Variants in IRAK1BP1 observed in about 807,000 individuals in gnomAD.
The protein encoded by IRAK1BP1 is interleukin 1 receptor associated kinase 1 binding protein 1, also known as interleukin-1 receptor-associated kinase 1-binding protein 1.
A neutral mutation model predicts 28.0 loss-of-function variants in IRAK1BP1; 24 were observed. That is an observed-to-expected ratio of 0.86 (90% CI 0.62 to 1.20). The LOEUF is 1.20. Ranked by LOEUF, IRAK1BP1 falls within the 50% of genes most tolerant of loss-of-function variation. The pLI is 0.00. For synonymous variants in IRAK1BP1, 131 were observed against 116.3 expected, an observed-to-expected ratio of 1.13 and a Z score of -0.81; for missense variants, 336 against 316.7, an observed-to-expected ratio of 1.06 and a Z score of -0.46.
the IRAK1BP1 span, among the ~76,000 whole-genome samples, chr6:78,954,309 T>C: frequency 6.6e-6 from 1 of 151,830 alleles, no homozygotes; most frequent in African/African-American, 2.4e-5. Context: ...GATTTCACCG[T>C]GTTAGCCAGG....
intron 4 of IRAK1BP1, among the ~76,000 whole-genome samples, chr6:78,917,144 C>G (rs540075504): frequency 1.3e-5 from 2 of 151,870 alleles, no homozygotes; most frequent in South Asian, 4.2e-4. Flanking sequence ...CAATGATATC[C>G]AAGACAAGGT....
the IRAK1BP1 span, chr6:78,954,918 C>G: frequency 1.3e-6 from 2 of 1,584,296 alleles, no homozygotes; most frequent in Non-Finnish European, 1.7e-6. Flanking sequence ...GCTTGAATAT[C>G]GTAAGACTGG....
At chr6:78,892,933 C>G (rs1392355395) in intron 2 of IRAK1BP1, among the ~76,000 whole-genome samples, 2 of 151,714 alleles carry the variant, frequency 1.3e-5, no homozygotes. Context: ...CATCAAATAG[C>G]CTATTATACA....
Position 78,876,610 on chromosome 6 carries a change from G to T in IRAK1BP1, c.315+8719G>T, listed in dbSNP as rs193243374. On this transcript the variant is annotated intron_variant, in intron 1 of 3. Coordinates refer to ENST00000369940, the MANE Select transcript of IRAK1BP1 (RefSeq NM_001010844.4). ...GGATAACTCGTTGTTGTTGGGGGCTGTCCTGTGCATTGTAGGATATTTAAC... is the reference window on the plus strand; with the variant it reads ...GGATAACTCGTTGTTGTTGGGGGCTTTCCTGTGCATTGTAGGATATTTAAC... 1.1e-3 allele frequency among the ~76,000 whole-genome samples: 162 copies of T among 152,258 alleles called. 1 individual carries two copies. Among genetic ancestry groups the T allele is most frequent in the African/African-American group, 3.8e-3 (156 of 41,556 alleles).
chr6:78,946,623 T>C (rs920348083), downstream of IRAK1BP1: 39 of 1,459,394 alleles, frequency 2.7e-5, no homozygotes, highest in Admixed American at 1.4e-4. Flanking sequence ...ATATAGGGAA[T>C]AGTAAAGGAA....
chr6:78,915,824 G>T (rs1469017605), intron 4 of IRAK1BP1, among the ~76,000 whole-genome samples: 1 of 152,006 alleles, frequency 6.6e-6, no homozygotes, highest in Non-Finnish European at 1.5e-5. Flanking sequence ...TTCTATCTTG[G>T]CATCTGCTTT....
At chr6:78,895,480 T>C (rs1771848055) in intron 2 of IRAK1BP1, among the ~76,000 whole-genome samples, 1 of 152,216 alleles carries the variant, frequency 6.6e-6, no homozygotes, top group Non-Finnish European at 1.5e-5. Flanking sequence ...TTTAATGATT[T>C]ATACACATAC....
intron 4 of IRAK1BP1, among the ~76,000 whole-genome samples, chr6:78,920,547 C>T (rs1288108642): frequency 1.3e-5 from 2 of 152,160 alleles, no homozygotes; most frequent in African/African-American, 2.4e-5. Context: ...GGATTCCTTA[C>T]TTAATAAATG....
the IRAK1BP1 span, among the ~76,000 whole-genome samples, chr6:78,977,587 G>GACCTTCCAGC: frequency 2.0e-5 from 3 of 151,598 alleles, no homozygotes; most frequent in East Asian, 5.9e-4. Flanking sequence ...GAATAATGAA[G>GACCTTCCAGC]ACCTTCAAGC....
intron 1 of IRAK1BP1, among the ~76,000 whole-genome samples, chr6:78,872,673 G>A (rs1302875257): frequency 2.0e-5 from 3 of 152,132 alleles, no homozygotes; most frequent in Admixed American, 2.0e-4. Flanking sequence ...TCGGATTAGG[G>A]ATCCTCAACT....
At chr6:78,974,970 C>T in the IRAK1BP1 span, among the ~76,000 whole-genome samples, 4 of 151,642 alleles carry the variant, frequency 2.6e-5, no homozygotes, top group Admixed American at 6.6e-5. Context: ...ACCATTCCTT[C>T]TGAAACTATT....
intron 1 of IRAK1BP1, among the ~76,000 whole-genome samples, chr6:78,884,039 A>T (rs1771327320): frequency 6.6e-6 from 1 of 152,194 alleles, no homozygotes; most frequent in Middle Eastern, 3.2e-3. Flanking sequence ...GAACTACCGT[A>T]CTGTTTTGTA....
chr6:78,926,440 T>C (rs1040372356), intron 4 of IRAK1BP1, among the ~76,000 whole-genome samples: 1 of 152,156 alleles, frequency 6.6e-6, no homozygotes, highest in Non-Finnish European at 1.5e-5. Flanking sequence ...GGTGTGTATA[T>C]TTATGGGATA....
chr6:78,948,543 G>A (rs1582087386), downstream of IRAK1BP1, among the ~76,000 whole-genome samples: 3 of 152,210 alleles, frequency 2.0e-5, no homozygotes, highest in South Asian at 6.2e-4. Flanking sequence ...GCCCAGGTTA[G>A]AGTGCAGTTG....
At chr6:78,908,114 A>G (rs575015666) in intron 4 of IRAK1BP1, among the ~76,000 whole-genome samples, 2 of 149,300 alleles carry the variant, frequency 1.3e-5, no homozygotes, top group African/African-American at 4.9e-5. Context: ...GCATTGGTGT[A>G]ATCTTGGCTC....
In IRAK1BP1 at chr6:78,871,461, A is replaced by G. The variant is rs1770789351; in HGVS notation, c.315+3570A>G. ...TTTTTGCTTCACAACAGACCACCTC[A>G]GCCACCATGACACCCAGTAGGAGGT... On this transcript the variant is annotated intron_variant, in intron 1 of 3. Coordinates refer to ENST00000369940, the MANE Select transcript of IRAK1BP1 (RefSeq NM_001010844.4). The G allele has an allele frequency of 3.0e-6, 3 of 985,600 alleles. No homozygotes were observed. In the African/African-American group the frequency reaches 5.2e-5, roughly 17 times the overall value. The allele number at this position is 985,600 out of a possible 1,614,324, so 61.1% of individuals were successfully genotyped here.
rs757685640 is a variant in IRAK1BP1 at position 78,867,730 on chromosome 6, G to T, written c.154G>T (p.Glu52Ter). ...AACACAAGCCCAAACTGCTACCCGC[G>T]AGGTGCAAGTAAGCGGCACCTCAGA... ...SSTQAQTATR[E>*]VQVSGTSEVS... Residue 52 changes from glutamate to a stop codon, truncating the protein, a stop_gained, in exon 1 of 4, where the codon GAG (glutamate) becomes TAG (stop). Coordinates refer to ENST00000369940, the MANE Select transcript of IRAK1BP1 (RefSeq NM_001010844.4). LOFTEE classifies it high-confidence loss of function. 3.1e-6 allele frequency: 5 copies of T among 1,614,108 alleles called. No individual in the cohort carries two copies. The highest frequency in any genetic ancestry group is 3.3e-5 in the Admixed American group (2 of 60,014).
At chr6:78,929,024 A>G (rs1772970424) in intron 4 of IRAK1BP1, among the ~76,000 whole-genome samples, 1 of 152,186 alleles carries the variant, frequency 6.6e-6, no homozygotes, top group Admixed American at 6.5e-5. Flanking sequence ...TACTGGCCTC[A>G]TAGTATGAGG....
chr6:78,880,957 G>A (rs1331828482), intron 1 of IRAK1BP1, among the ~76,000 whole-genome samples: 1 of 152,156 alleles, frequency 6.6e-6, no homozygotes, highest in Non-Finnish European at 1.5e-5. Flanking sequence ...CACTTTGGAA[G>A]GTAGTCTTAT....
Sources: gnomAD v4.1 joint callset for allele counts (sites outside exome capture counted in the v4.1 genomes callset) on GRCh38, gnomAD v4.1.1 for gene constraint, MANE v1.5 for transcripts, NCBI Gene and HGNC (gene_info 2026-07-23, HGNC 2026-07-21) for gene names.